Variants in CADM2 observed in about 807,000 individuals in gnomAD.
CADM2 encodes the protein immunoglobulin superfamily member 4D.
A neutral mutation model predicts 49.8 loss-of-function variants in CADM2; 12 were observed. The ratio of observed to expected loss-of-function variants is 0.24; its 90% CI spans 0.15 to 0.39. CADM2 has a LOEUF of 0.39. Ranked by LOEUF, CADM2 falls within the 10% of genes least tolerant of loss-of-function variation. The probability of loss-of-function intolerance (pLI) is 1.00; values close to 1 mark genes in which losing one functional copy is unlikely to be tolerated. For missense variants in CADM2, 378 were observed against 492.3 expected, an observed-to-expected ratio of 0.77 and a Z score of 2.20; for synonymous variants, 214 against 175.4, an observed-to-expected ratio of 1.22 and a Z score of -1.74.
chr3:85,915,539 G>T (rs1158485701), intron 6 of CADM2, among the ~76,000 whole-genome samples: 1 of 152,046 alleles, frequency 6.6e-6, no homozygotes, highest in Non-Finnish European at 1.5e-5. Flanking sequence ...GAGCAAATTG[G>T]TGTGATTTTC....
chr3:85,704,362 CAG>C (rs1355895587), intron 1 of CADM2, among the ~76,000 whole-genome samples: 1 of 152,162 alleles, frequency 6.6e-6, no homozygotes, highest in Non-Finnish European at 1.5e-5. Context: ...GCTGCTGTAA[CAG>C]AGTACAAAAA....
At chr3:85,536,180 A>G (rs1169774656) in intron 1 of CADM2, among the ~76,000 whole-genome samples, 4 of 152,056 alleles carry the variant, frequency 2.6e-5, no homozygotes, top group Non-Finnish European at 5.9e-5. Context: ...TTTAAAGACT[A>G]TTAAAATATA....
intron 1 of CADM2, among the ~76,000 whole-genome samples, chr3:85,002,368 G>A (rs1374122922): frequency 1.3e-5 from 2 of 152,100 alleles, no homozygotes; most frequent in African/African-American, 2.4e-5. Flanking sequence ...CTTTGTGAGC[G>A]ACAGCAAAAA....
intron 1 of CADM2, among the ~76,000 whole-genome samples, chr3:85,571,982 G>A (rs1263125043): frequency 6.6e-6 from 1 of 152,176 alleles, no homozygotes; most frequent in Non-Finnish European, 1.5e-5. Flanking sequence ...TAACAAGCCA[G>A]GTTACTAGAG....
In CADM2 at chr3:86,018,102, C is replaced by T. The variant is rs1732564227; in HGVS notation, c.971-47503C>T. 5.7e-5 allele frequency among the ~76,000 whole-genome samples: 7 copies of T among 123,782 alleles called. No homozygotes were observed. The Admixed American group carries it at 6.0e-4, about 11-fold the overall frequency. The allele number at this position is 123,782 out of a possible 152,430, so 81.2% of individuals were successfully genotyped here. The stretch of plus-strand genomic sequence containing the variant: ...TCCATGTGATCTCATTGTTCAATTC[C>T]CACCTATGAGTGAGAATATGCGGTG... On this transcript the variant is annotated intron_variant, in intron 8 of 9. Coordinates refer to ENST00000383699, the MANE Select transcript of CADM2 (RefSeq NM_001167675.2).
At chr3:85,977,561 T>A (rs750254001) in intron 8 of CADM2, among the ~76,000 whole-genome samples, 10 of 151,558 alleles carry the variant, frequency 6.6e-5, no homozygotes, top group Non-Finnish European at 1.3e-4. Context: ...TTAGAAAATG[T>A]TTTCATTTAC....
At chr3:85,655,851 T>A (rs775433113) in intron 1 of CADM2, among the ~76,000 whole-genome samples, 1 of 152,204 alleles carries the variant, frequency 6.6e-6, no homozygotes, top group Non-Finnish European at 1.5e-5. Flanking sequence ...AGCACATATG[T>A]CCAACAATTT....
chr3:85,186,889 T>A lies in CADM2; in HGVS notation c.61+227221T>A, dbSNP rs188335665. Among the ~76,000 whole-genome samples, 258 of 152,278 alleles carry A rather than the reference T, an allele frequency of 1.7e-3. 1 individual carries two copies. Among genetic ancestry groups the A allele is most frequent in the African/African-American group, 6.0e-3 (248 of 41,582 alleles). ...AGGGTATATTTAAGAAAGGTGAGAT[T>A]CCTTTGCTTTAATATGCTTTGAAAA... On this transcript the variant is annotated intron_variant, in intron 1 of 9. Transcript: ENST00000383699.
intron 3 of CADM2, among the ~76,000 whole-genome samples, chr3:85,860,808 A>C (rs1041435071): frequency 6.6e-6 from 1 of 152,160 alleles, no homozygotes; most frequent in Non-Finnish European, 1.5e-5. Flanking sequence ...AGACTATAAC[A>C]ATCAGGGTGG....
intron 1 of CADM2, among the ~76,000 whole-genome samples, chr3:85,398,226 G>C (rs372426745): frequency 6.6e-6 from 1 of 151,698 alleles, no homozygotes; most frequent in Admixed American, 6.6e-5. Context: ...CTCATTGTTC[G>C]ATTCCCACCT....
intron 1 of CADM2, among the ~76,000 whole-genome samples, chr3:85,436,036 A>C (rs1250577974): frequency 6.6e-6 from 1 of 151,844 alleles, no homozygotes; most frequent in East Asian, 1.9e-4. Context: ...ATTAGATCCC[A>C]TTTGTCAATT....
chr3:85,057,482 T>C (rs1282969382), intron 1 of CADM2, among the ~76,000 whole-genome samples: 2 of 152,134 alleles, frequency 1.3e-5, no homozygotes, highest in Non-Finnish European at 2.9e-5. Context: ...TATACTAACA[T>C]CATATACTAA....
At chr3:85,659,538 C>T (rs569387695) in intron 1 of CADM2, among the ~76,000 whole-genome samples, 26 of 152,118 alleles carry the variant, frequency 1.7e-4, no homozygotes, top group African/African-American at 5.3e-4. Flanking sequence ...CAAGGGGGAA[C>T]ATTGTCTCAG....
At chr3:85,153,830 C>A (rs1366219738) in intron 1 of CADM2, among the ~76,000 whole-genome samples, 1 of 152,228 alleles carries the variant, frequency 6.6e-6, no homozygotes, top group African/African-American at 2.4e-5. Context: ...CAGGGGCAGA[C>A]TGACACCTCA....
intron 1 of CADM2, among the ~76,000 whole-genome samples, chr3:85,669,381 G>A (rs1026330080): frequency 3.3e-5 from 5 of 152,068 alleles, no homozygotes; most frequent in Admixed American, 6.6e-5. Flanking sequence ...AGGAGAAAAA[G>A]GTTAAAGGTC....
At chr3:85,916,075 A>T (rs536190275) in intron 6 of CADM2, among the ~76,000 whole-genome samples, 1 of 152,188 alleles carries the variant, frequency 6.6e-6, no homozygotes, top group East Asian at 1.9e-4. Flanking sequence ...TATACAATTT[A>T]TATGAATCTA....
At chr3:85,823,544 G>A (rs981149885) in intron 3 of CADM2, among the ~76,000 whole-genome samples, 15 of 152,096 alleles carry the variant, frequency 9.9e-5, no homozygotes, top group Admixed American at 2.6e-4. Flanking sequence ...AAACTGTTGT[G>A]GACTGGCAGT....
chr3:85,470,470 T>C (rs371508793), intron 1 of CADM2, among the ~76,000 whole-genome samples: 2 of 152,286 alleles, frequency 1.3e-5, no homozygotes, highest in African/African-American at 2.4e-5. Context: ...AGGAATTACA[T>C]AGGGTTTTAT....
intron 3 of CADM2, among the ~76,000 whole-genome samples, chr3:85,818,328 T>C (rs2073344399): frequency 6.6e-6 from 1 of 152,150 alleles, no homozygotes; most frequent in East Asian, 1.9e-4. Context: ...GTGAGAAATG[T>C]ATGAAAGAGG....
Sources: allele counts gnomAD v4.1 joint callset (sites outside exome capture counted in the v4.1 genomes callset), GRCh38; gene constraint gnomAD v4.1.1; transcripts MANE v1.5; gene names NCBI Gene and HGNC (gene_info 2026-07-23, HGNC 2026-07-21).